Variants in CELF2 observed in about 807,000 individuals in gnomAD.
CELF2 encodes CUG triplet repeat RNA-binding protein 2.
In CELF2, 8 loss-of-function variants were observed where a neutral mutation model predicts 62.6. The ratio of observed to expected loss-of-function variants is 0.13; its 90% CI spans 0.07 to 0.23. CELF2 has a LOEUF of 0.23. Among genes scored for constraint, CELF2 ranks in the 10% least tolerant of loss-of-function variants. The pLI, the probability that CELF2 is intolerant of heterozygous loss-of-function variation, is 1.00. For synonymous variants in CELF2, 258 were observed against 250.0 expected (o/e 1.03, Z -0.30); for missense variants, 333 against 671.0 (o/e 0.50, Z 5.56).
At chr10:10,669,374 C>T in the CELF2 span, among the ~76,000 whole-genome samples, 1 of 152,036 alleles carries the variant, frequency 6.6e-6, no homozygotes, top group Admixed American at 6.5e-5. Context: ...AGAAAGAATC[C>T]TAGAATTATA....
At chr10:10,910,466 G>A (rs1432170941) in intron 1 of CELF2, among the ~76,000 whole-genome samples, 3 of 151,976 alleles carry the variant, frequency 2.0e-5, no homozygotes, top group African/African-American at 7.2e-5. Context: ...AGGCCGAGGT[G>A]GGCAGATCAT....
At chr10:11,249,285 C>G in intron 4 of CELF2, 84 bp downstream of exon 4, 1 of 1,113,244 alleles carries the variant, frequency 9.0e-7, no homozygotes, top group South Asian at 1.3e-5. Context: ...AGAAGCCGGC[C>G]CAGCTGCTTT....
chr10:11,058,615 C>T lies in CELF2; in HGVS notation c.74+40452C>T, dbSNP rs942938114. ...CCGAGTAGCTGGGATTACAGGCATG[C>T]ACCACCACACCTGGCTAATTTTTGT... is the stretch of plus-strand genomic sequence containing the variant. On this transcript the variant is annotated intron_variant, in intron 1 of 12. Coordinates refer to ENST00000633077, the MANE Select transcript of CELF2 (RefSeq NM_001326342.2). 2.0e-5 allele frequency among the ~76,000 whole-genome samples: 3 copies of T among 151,522 alleles called. No homozygotes were observed. In the East Asian group the frequency reaches 5.8e-4, roughly 29 times the overall value.
At chr10:10,469,621 G>A in the CELF2 span, among the ~76,000 whole-genome samples, 1 of 151,784 alleles carries the variant, frequency 6.6e-6, no homozygotes, top group Admixed American at 6.6e-5. Flanking sequence ...TTCTTGTAAT[G>A]TCTTTGGTGT....
chr10:10,505,873 A>G, the CELF2 span, among the ~76,000 whole-genome samples: 389 of 152,322 alleles, frequency 2.6e-3, 1 homozygote, highest in Middle Eastern at 0.01. Context: ...TGAATTGGCA[A>G]CGACTTCAGC....
rs548513612 is a variant in CELF2 at position 10,882,461 on chromosome 10, G to T, written c.54-37503G>T. Among the ~76,000 whole-genome samples, 12 of 152,310 alleles carry T rather than the reference G, an allele frequency of 7.9e-5. No homozygotes were observed. In the East Asian group the frequency reaches 2.3e-3, roughly 29 times the overall value. On this transcript the variant is annotated intron_variant, in intron 1 of 13. Transcript: ENST00000636488. Reference sequence around the variant, plus strand: ...TCTGTTGTCACTAAATTACTTGTCTGAACAGGGAAGGAAGTTTCTATTGGT... The same window carrying T: ...TCTGTTGTCACTAAATTACTTGTCTTAACAGGGAAGGAAGTTTCTATTGGT...
the CELF2 span, among the ~76,000 whole-genome samples, chr10:10,783,327 G>T: frequency 6.6e-6 from 1 of 152,102 alleles, no homozygotes; most frequent in Non-Finnish European, 1.5e-5. Context: ...ACAGAGACAG[G>T]TACAGGGACA....
chr10:11,156,310 T>C lies in CELF2; in HGVS notation c.75-9176T>C, dbSNP rs2064376146. On this transcript the variant is annotated intron_variant, in intron 1 of 12. Transcript: ENST00000633077. This position sits in a 1 kb window ranked among gnomAD's most constrained non-coding sequence, Gnocchi z 4.3. ...TGGCGACAGATCACATGACGTGTGA[T>C]TTAATTTTACTGCTTTGAAGACTTC... Among the ~76,000 whole-genome samples the C allele has an allele frequency of 6.6e-6, 1 of 152,178 alleles. No individual in the cohort carries two copies. Among genetic ancestry groups the C allele is most frequent in the African/African-American group, 2.4e-5 (1 of 41,440 alleles).
At chr10:11,173,895 C>T (rs567087625) in intron 2 of CELF2, among the ~76,000 whole-genome samples, 10 of 152,192 alleles carry the variant, frequency 6.6e-5, no homozygotes, top group African/African-American at 1.4e-4. Flanking sequence ...GATGATTTAG[C>T]GACAGATTGA....
At chr10:11,053,800 G>T (rs748912276) in intron 1 of CELF2, among the ~76,000 whole-genome samples, 3 of 151,774 alleles carry the variant, frequency 2.0e-5, no homozygotes, top group Admixed American at 1.3e-4. Flanking sequence ...ATTTTTAGTA[G>T]AGATGGGGTT....
intron 1 of CELF2, among the ~76,000 whole-genome samples, chr10:10,833,209 T>G (rs2058019790): frequency 6.6e-6 from 1 of 152,244 alleles, no homozygotes; most frequent in Admixed American, 6.5e-5. Context: ...CTTTAAGCCC[T>G]GTTAGCATTA....
At chr10:11,181,307 C>T (rs961678592) in intron 2 of CELF2, among the ~76,000 whole-genome samples, 3 of 152,190 alleles carry the variant, frequency 2.0e-5, no homozygotes, top group Admixed American at 1.3e-4. Flanking sequence ...GTCAAACTGA[C>T]GTTACCTCTC....
intron 2 of CELF2, among the ~76,000 whole-genome samples, chr10:10,923,431 A>C (rs971758046): frequency 6.6e-6 from 1 of 152,198 alleles, no homozygotes; most frequent in Admixed American, 6.5e-5. Flanking sequence ...TACTAATTTA[A>C]AGCACTCCGG....
At chr10:10,797,836 C>T (rs1192733705), upstream of CELF2, among the ~76,000 whole-genome samples, 2 of 152,156 alleles carry the variant, frequency 1.3e-5, no homozygotes, top group Non-Finnish European at 2.9e-5. Context: ...CCGAAGAACC[C>T]ATACGGGGCG....
the CELF2 span, among the ~76,000 whole-genome samples, chr10:10,523,858 G>A: frequency 6.6e-6 from 1 of 152,270 alleles, no homozygotes; most frequent in South Asian, 2.1e-4. Flanking sequence ...TTATTAAATG[G>A]AAGGCCACAT....
the CELF2 span, among the ~76,000 whole-genome samples, chr10:10,691,148 CCTCCCCT>C: frequency 8.2e-3 from 1,240 of 151,756 alleles, 5 homozygotes; most frequent in African/African-American, 0.011. Flanking sequence ...CAGTGCTATC[CCTCCCCT>C]CTCCCCCCAC....
the CELF2 span, among the ~76,000 whole-genome samples, chr10:10,773,706 G>T: frequency 6.6e-6 from 1 of 152,078 alleles, no homozygotes; most frequent in Admixed American, 6.6e-5. Context: ...GGAAACTCTG[G>T]GGGTATTTTT....
At chr10:10,700,110 A>G in the CELF2 span, among the ~76,000 whole-genome samples, 2 of 152,212 alleles carry the variant, frequency 1.3e-5, no homozygotes, top group African/African-American at 4.8e-5. Context: ...AATGCTAAAA[A>G]CATGCTGAGA....
chr10:10,567,677 G>T, the CELF2 span, among the ~76,000 whole-genome samples: 1 of 152,072 alleles, frequency 6.6e-6, no homozygotes, highest in Non-Finnish European at 1.5e-5. Flanking sequence ...CCTGAATCTT[G>T]ACCAGTTATT....
Sources: allele counts gnomAD v4.1 joint callset (sites outside exome capture counted in the v4.1 genomes callset), GRCh38; gene constraint gnomAD v4.1.1; non-coding constraint Gnocchi (gnomAD v3.1); transcripts MANE v1.5; gene names NCBI Gene and HGNC (gene_info 2026-07-23, HGNC 2026-07-21).